MOB1B: variants seen among roughly 807,000 people sequenced by gnomAD.
MOB1B encodes the protein MOB1 Mps One Binder homolog B.
A neutral mutation model predicts 24.4 loss-of-function variants in MOB1B; 19 were observed. That is an observed-to-expected ratio of 0.78 (90% CI 0.54 to 1.14). The LOEUF is 1.14. Among genes scored for constraint, MOB1B ranks in the 50% most tolerant of loss-of-function variants. The pLI, the probability that MOB1B is intolerant of heterozygous loss-of-function variation, is 0.00. For missense variants in MOB1B, 243 were observed against 259.6 expected (o/e 0.94, Z 0.44); for synonymous variants, 76 against 82.1 (o/e 0.93, Z 0.40).
chr4:70,946,089 T>C (rs1737570089), intron 1 of MOB1B, among the ~76,000 whole-genome samples: 1 of 147,904 alleles, frequency 6.8e-6, no homozygotes, highest in Non-Finnish European at 1.5e-5. Context: ...TTGTTCTTTT[T>C]TTTTTTTTTT....
At chr4:70,902,214 G>T, upstream of MOB1B, 1 of 505,590 alleles carries the variant, frequency 2.0e-6, no homozygotes, top group East Asian at 3.8e-5. Flanking sequence ...CGGAGGGCCG[G>T]GGTGGGCTTG....
intron 1 of MOB1B, among the ~76,000 whole-genome samples, chr4:70,938,350 G>A (rs916262516): frequency 3.8e-5 from 3 of 78,714 alleles, no homozygotes; most frequent in Non-Finnish European, 7.0e-5. Flanking sequence ...AAAAAAAAAA[G>A]AGCTTTTCAG....
chr4:70,931,655 G>A lies in MOB1B; in HGVS notation c.15-27219G>A, dbSNP rs75444668. The stretch of plus-strand genomic sequence containing the variant: ...TTTCTGAGGTCACACTTTGTCAACT[G>A]TATAAATACATTCTGGTGAGACTAA... On this transcript the variant is annotated intron_variant, in intron 1 of 5. Transcript: ENST00000309395. Among the ~76,000 whole-genome samples, 1,131 of 152,302 alleles carry A rather than the reference G, an allele frequency of 7.4e-3. 13 individuals carry two copies. Among genetic ancestry groups the A allele is most frequent in the African/African-American group, 0.026 (1,093 of 41,562 alleles).
intron 1 of MOB1B, among the ~76,000 whole-genome samples, chr4:70,951,539 G>C (rs775979230): frequency 6.6e-6 from 1 of 152,210 alleles, no homozygotes; most frequent in Non-Finnish European, 1.5e-5. Flanking sequence ...GAAAGCAGTA[G>C]AGTAATGCAA....
At position 70,906,078 on chromosome 4, in the gene MOB1B, T is replaced by TA. The variant is rs375359107; in HGVS notation, c.14+3538dup. 3.3e-4 allele frequency among the ~76,000 whole-genome samples: 47 copies of TA among 142,716 alleles called. No homozygotes were observed. In the South Asian group the frequency reaches 3.8e-3, roughly 12 times the overall value. 93.6% of individuals were successfully genotyped at this position (142,716 alleles called of 152,430 possible). On this transcript the variant is annotated intron_variant, in intron 1 of 5. Transcript: ENST00000309395. ...GCTGATAGAGAGTGAGACTCTGTCT[T>TA]AAAAAAAAAAGGCCGGTCGCGGGGC...
In MOB1B at chr4:70,958,912, A is replaced by G. The variant is rs755788328; in HGVS notation, c.53A>G (p.Asn18Ser). 9 of 1,613,400 alleles carry G rather than the reference A, an allele frequency of 5.6e-6. No homozygotes were observed. The South Asian group carries it at 7.7e-5, about 14-fold the overall frequency. ...RSSKTFKPKK[N>S]IPEGSHQYEL... ...TCTAAAACTTTTAAACCAAAGAAGA[A>G]CATTCCAGAGGGTTCTCACCAGTAT... Residue 18 changes from asparagine (N) to serine (S), a missense_variant, in exon 2 of 6, where the codon AAC becomes AGC. Coordinates refer to ENST00000309395, the MANE Select transcript of MOB1B (RefSeq NM_173468.4).
intron 1 of MOB1B, among the ~76,000 whole-genome samples, chr4:70,929,747 G>T (rs1340246046): frequency 6.6e-6 from 1 of 151,396 alleles, no homozygotes; most frequent in Non-Finnish European, 1.5e-5. Flanking sequence ...CTGGGTTTAC[G>T]CCATTCTCCT....
intron 3 of MOB1B, among the ~76,000 whole-genome samples, chr4:70,974,242 C>T (rs934665008): frequency 6.6e-6 from 1 of 151,874 alleles, no homozygotes; most frequent in Non-Finnish European, 1.5e-5. Context: ...GCAACCTCCT[C>T]CTCCCTGGTT....
At chr4:70,981,767 G>A (rs2148905611) in intron 5 of MOB1B, among the ~76,000 whole-genome samples, 1 of 152,170 alleles carries the variant, frequency 6.6e-6, no homozygotes, top group East Asian at 1.9e-4. Context: ...TGAGATAGGG[G>A]GATTTATCCT....
intron 1 of MOB1B, among the ~76,000 whole-genome samples, chr4:70,921,051 T>A (rs1297259160): frequency 2.0e-5 from 3 of 152,154 alleles, no homozygotes; most frequent in African/African-American, 7.2e-5. Flanking sequence ...TGGTTTTTTA[T>A]ATATATGCAT....
chr4:70,952,935 CTTTTTTT>C (rs71211985), intron 1 of MOB1B, among the ~76,000 whole-genome samples: 2 of 72,288 alleles, frequency 2.8e-5, no homozygotes, highest in Non-Finnish European at 5.2e-5. Context: ...GTCATTTGGT[CTTTTTTT>C]TTTTTTTTTT....
At chr4:70,953,715 G>C (rs536182809) in intron 1 of MOB1B, among the ~76,000 whole-genome samples, 1 of 152,164 alleles carries the variant, frequency 6.6e-6, no homozygotes, top group African/African-American at 2.4e-5. Flanking sequence ...AGGCTAAAGC[G>C]GGCGGATCAC....
chr4:70,916,515 C>T (rs1161964073), intron 1 of MOB1B, among the ~76,000 whole-genome samples: 1 of 152,150 alleles, frequency 6.6e-6, no homozygotes. Flanking sequence ...AAAGAATGAG[C>T]TAAAGATTTT....
chr4:70,932,244 TC>T (rs1299107480), intron 1 of MOB1B, among the ~76,000 whole-genome samples: 1 of 152,106 alleles, frequency 6.6e-6, no homozygotes, highest in East Asian at 1.9e-4. Context: ...ATAAGAGAAA[TC>T]ATATCATCCA....
intron 1 of MOB1B, among the ~76,000 whole-genome samples, chr4:70,950,383 G>A (rs1462747092): frequency 6.7e-6 from 1 of 149,240 alleles, no homozygotes; most frequent in African/African-American, 2.5e-5. Context: ...AGCCAAGATC[G>A]GGTCACAGCC....
chr4:70,910,987 C>T (rs1735961208), intron 1 of MOB1B, among the ~76,000 whole-genome samples: 1 of 152,114 alleles, frequency 6.6e-6, no homozygotes, highest in African/African-American at 2.4e-5. Flanking sequence ...GGGGTTTCAC[C>T]ATATTGGCCA....
At chr4:70,940,138 G>T (rs139361774) in intron 1 of MOB1B, among the ~76,000 whole-genome samples, 45 of 151,858 alleles carry the variant, frequency 3.0e-4, no homozygotes, top group Non-Finnish European at 2.9e-5. Context: ...ACGTCCAGCC[G>T]CTTGTGTCTC....
At chr4:70,978,377 T>A (rs576430562) in intron 4 of MOB1B, among the ~76,000 whole-genome samples, 292 of 152,340 alleles carry the variant, frequency 1.9e-3, no homozygotes, top group Non-Finnish European at 3.3e-3. Context: ...TGGACAATGC[T>A]GTAGTGAACA....
intron 1 of MOB1B, among the ~76,000 whole-genome samples, chr4:70,952,490 A>T (rs1236019301): frequency 2.0e-5 from 3 of 151,728 alleles, no homozygotes; most frequent in South Asian, 2.1e-4. Context: ...AAAAATACAA[A>T]AAATTAGGTG....
Sources: gnomAD v4.1 joint callset for allele counts (sites outside exome capture counted in the v4.1 genomes callset) on GRCh38, gnomAD v4.1.1 for gene constraint, MANE v1.5 for transcripts, NCBI Gene and HGNC (gene_info 2026-07-23, HGNC 2026-07-21) for gene names.